USP50: variants seen among roughly 807,000 people sequenced by gnomAD.
USP50 encodes the protein ubiquitin carboxyl-terminal hydrolase 50.
A neutral mutation model predicts 39.2 loss-of-function variants in USP50; 37 were observed. That is an observed-to-expected ratio of 0.94 (90% CI 0.73 to 1.24). The LOEUF (loss-of-function observed/expected upper bound fraction) is 1.24, where lower values mean the gene tolerates loss of function less well. Ranked by LOEUF, USP50 falls within the 50% of genes most tolerant of loss-of-function variation. The probability of loss-of-function intolerance (pLI) is 0.00; values close to 1 mark genes in which losing one functional copy is unlikely to be tolerated. For synonymous variants in USP50, 139 were observed against 144.5 expected, an observed-to-expected ratio of 0.96 and a Z score of 0.27; for missense variants, 374 against 398.2, an observed-to-expected ratio of 0.94 and a Z score of 0.52.
In USP50 at chr15:50,533,582, G is replaced by GA. The variant is rs530733418; in HGVS notation, c.804-3654dup. 5.4e-4 allele frequency among the ~76,000 whole-genome samples: 82 copies of GA among 152,114 alleles called. No individual in the cohort carries two copies. In the South Asian group the frequency reaches 0.017, roughly 31 times the overall value. ...AAAAAAATATTGAAAGTGTTAAAAG[G>GA]AAAAAAACCCACCAACCTAGAATTC... is the stretch of plus-strand genomic sequence containing the variant. On this transcript the variant is annotated intron_variant, in intron 5 of 6. Coordinates refer to ENST00000532404, the MANE Select transcript of USP50 (RefSeq NM_203494.5).
At chr15:50,516,396 C>T (rs1042445525) in intron 6 of USP50, among the ~76,000 whole-genome samples, 2 of 152,058 alleles carry the variant, frequency 1.3e-5, no homozygotes, top group Admixed American at 6.6e-5. Context: ...GTCAGGAGTT[C>T]GAGACCAGAC....
intron 5 of USP50, among the ~76,000 whole-genome samples, chr15:50,538,091 T>C (rs2052996521): frequency 6.6e-6 from 1 of 150,784 alleles, no homozygotes; most frequent in Admixed American, 6.6e-5. Context: ...GTGGCCAACA[T>C]GGTGAAACCC....
chr15:50,533,170 A>G (rs1475878773), intron 5 of USP50, among the ~76,000 whole-genome samples: 2 of 151,466 alleles, frequency 1.3e-5, no homozygotes, highest in East Asian at 3.9e-4. Context: ...TAAAAAAAAA[A>G]GAAACAAAGA....
At chr15:50,526,012 G>C (rs1475276454) in intron 6 of USP50, among the ~76,000 whole-genome samples, 2 of 152,030 alleles carry the variant, frequency 1.3e-5, no homozygotes, top group African/African-American at 4.8e-5. Flanking sequence ...GGAAACGGAA[G>C]GGAGCGGGAT....
At chr15:50,495,844 C>G, downstream of USP50, 1 of 1,602,490 alleles carries the variant, frequency 6.2e-7, no homozygotes, top group Non-Finnish European at 8.5e-7. Context: ...CATTTTATTT[C>G]CAGGCTGATA....
downstream of USP50, chr15:50,493,969 C>A: frequency 7.8e-7 from 1 of 1,288,114 alleles, no homozygotes; most frequent in Non-Finnish European, 1.1e-6. Flanking sequence ...TGTAGTGCTA[C>A]AGTATGTGAA....
Position 50,500,832 on chromosome 15 carries a change from A to G in USP50, c.942T>C (p.His314=), listed in dbSNP as rs1044696458. The G allele has an allele frequency of 3.6e-5, 57 of 1,578,640 alleles. No homozygotes were observed. Among genetic ancestry groups the G allele is most frequent in the Non-Finnish European group, 4.8e-5 (56 of 1,161,368 alleles). Residue 314 remains histidine (H), a synonymous_variant, in exon 7 of 7, where the codon CAT becomes CAC. Coordinates refer to ENST00000532404, the MANE Select transcript of USP50 (RefSeq NM_203494.5). ...PKYNLCAVVN[H]FGDLDGGHYT... is the part of the protein sequence containing the mutation. Reference sequence around the variant, plus strand: ...AGTGGCCACCATCCAAATCACCAAAATGGTTCTATGGGAGAAAGGAATGTC... The same window carrying G: ...AGTGGCCACCATCCAAATCACCAAAGTGGTTCTATGGGAGAAAGGAATGTC...
Position 50,541,102 on chromosome 15 carries a change from C to G in USP50, c.607G>C (p.Val203Leu), listed in dbSNP as rs746724896. The change falls in exon 4 of 7, where the codon GTC (valine) becomes CTC (leucine). Residue 203 changes from valine to leucine, a missense_variant. By Grantham distance (32) the Val-to-Leu change is conservative. Coordinates refer to ENST00000532404, the MANE Select transcript of USP50 (RefSeq NM_203494.5). ...KCEKCTYKNEVFTVFSLPIPS... is the reference protein window; with the variant it reads ...KCEKCTYKNELFTVFSLPIPS... ...ATGGGGAGTGAGAAGACAGTGAAGACTTCGTTCTTGTAGGTGCATTTCTCA... is the reference window on the plus strand; with the variant it reads ...ATGGGGAGTGAGAAGACAGTGAAGAGTTCGTTCTTGTAGGTGCATTTCTCA... The G allele has an allele frequency of 3.1e-6, 5 of 1,613,802 alleles. No homozygotes were observed. Among genetic ancestry groups the G allele is most frequent in the Non-Finnish European group, 4.2e-6 (5 of 1,179,880 alleles).
intron 5 of USP50, chr15:50,532,255 T>C: frequency 2.2e-6 from 1 of 456,022 alleles, no homozygotes; most frequent in Non-Finnish European, 4.4e-6. Context: ...AAGAAACCAT[T>C]CTGAAATAGG....
At position 50,529,910 on chromosome 15, in the gene USP50, T is replaced by C. The variant is rs1160392360; in HGVS notation, c.823A>G (p.Thr275Ala). ...ATATCCGTTCTCAGCTTCCTTTTTG[T>C]TGTACCCTGAATGTCAAACCTGCAG... Reference protein sequence around the residue: ...HLKRFDIQGTTKRKLRTDIHY... With the variant: ...HLKRFDIQGTAKRKLRTDIHY... Residue 275 changes from threonine (T) to alanine (A), a missense_variant, in exon 6 of 7, where the codon ACA becomes GCA. By Grantham distance (58) the Thr-to-Ala change is moderately conservative. Transcript: ENST00000532404. The C allele has an allele frequency of 2.5e-6, 4 of 1,613,902 alleles. No individual in the cohort carries two copies. The highest frequency in any genetic ancestry group is 2.2e-5 in the South Asian group (2 of 91,088).
In USP50 at chr15:50,544,829, T is replaced by C. The variant is rs369652587; in HGVS notation, c.54-48A>G. 7 of 1,541,928 alleles carry C rather than the reference T, an allele frequency of 4.5e-6. No individual in the cohort carries two copies. The African/African-American group carries it at 8.2e-5, about 18-fold the overall frequency. On this transcript the variant is annotated intron_variant, in intron 1 of 6. Coordinates refer to ENST00000532404, the MANE Select transcript of USP50 (RefSeq NM_203494.5). ...GAAAGGGTTTTGAGAGAACAAAATA[T>C]GTACAAATGACAATAAGCTTCTCTT...
At chr15:50,541,372 G>A in intron 3 of USP50, 108 bp from the exon 4 acceptor site, 1 of 843,680 alleles carries the variant, frequency 1.2e-6, no homozygotes, top group South Asian at 1.7e-5. Context: ...AATTAGCTAG[G>A]CATGGTGGCA....
chr15:50,525,929 CAG>C (rs2052894593), intron 6 of USP50, among the ~76,000 whole-genome samples: 1 of 151,740 alleles, frequency 6.6e-6, no homozygotes, highest in Non-Finnish European at 1.5e-5. Context: ...ACATGCAAAA[CAG>C]AAAATGCAAA....
At chr15:50,543,529 G>T (rs2053045973) in intron 3 of USP50, 69 bp downstream of exon 3, 1 of 1,442,966 alleles carries the variant, frequency 6.9e-7, no homozygotes. Context: ...ACAAGTAAAA[G>T]AATGAAAAAT....
At chr15:50,499,247 C>CAAAT (rs1381880483), downstream of USP50, 5 of 561,238 alleles carry the variant, frequency 8.9e-6, no homozygotes, top group Middle Eastern at 5.1e-4. Context: ...TCAGTGCTGA[C>CAAAT]AAATAACATT....
At chr15:50,493,097 C>A (rs909521128), downstream of USP50, 4 of 703,760 alleles carry the variant, frequency 5.7e-6, no homozygotes, top group Admixed American at 4.1e-5. Flanking sequence ...GTGCCGGCAT[C>A]TGGTGCGCTT....
chr15:50,496,408 G>A (rs2052407371), downstream of USP50, among the ~76,000 whole-genome samples: 1 of 151,308 alleles, frequency 6.6e-6, no homozygotes, highest in Non-Finnish European at 1.5e-5. Context: ...GTGAACCCTG[G>A]AGGCGGAGTT....
At chr15:50,528,737 A>G (rs1341189398) in intron 6 of USP50, among the ~76,000 whole-genome samples, 1 of 152,228 alleles carries the variant, frequency 6.6e-6, no homozygotes, top group African/African-American at 2.4e-5. Flanking sequence ...TAATTTTGTT[A>G]AAGTGTGGAG....
At chr15:50,531,128 C>G (rs2052937430) in intron 5 of USP50, among the ~76,000 whole-genome samples, 1 of 152,006 alleles carries the variant, frequency 6.6e-6, no homozygotes, top group Non-Finnish European at 1.5e-5. Flanking sequence ...ATTACCGCGA[C>G]TGAGACATTC....
Sources: gnomAD v4.1 joint callset for allele counts (sites outside exome capture counted in the v4.1 genomes callset) on GRCh38, gnomAD v4.1.1 for gene constraint, MANE v1.5 for transcripts, NCBI Gene and HGNC (gene_info 2026-07-23, HGNC 2026-07-21) for gene names.